CDH12: variants seen among roughly 807,000 people sequenced by gnomAD.
CDH12 encodes the protein cadherin-12.
A neutral mutation model predicts 74.1 loss-of-function variants in CDH12; 41 were observed. That is an observed-to-expected ratio of 0.55 (90% confidence interval 0.43 to 0.72). CDH12 has a LOEUF of 0.72. CDH12 is among the 30% of genes least tolerant of loss of function. The probability of loss-of-function intolerance (pLI) is 0.00; values close to 1 mark genes in which losing one functional copy is unlikely to be tolerated. For synonymous variants in CDH12, 399 were observed against 355.0 expected, an observed-to-expected ratio of 1.12 and a Z score of -1.39; for missense variants, 945 against 977.2, an observed-to-expected ratio of 0.97 and a Z score of 0.44.
Position 22,233,876 on chromosome 5 carries a change from T to C in CDH12, c.-332-21233A>G, listed in dbSNP as rs376609889. 1.1e-4 allele frequency among the ~76,000 whole-genome samples: 17 copies of C among 152,302 alleles called. No individual in the cohort carries two copies. The East Asian group carries it at 3.1e-3, about 28-fold the overall frequency. ...TAGTCACAGTTTGCCCACCTTGACG[T>C]GCCACCCAAGTGACAGGATTCCACT... is the stretch of plus-strand genomic sequence containing the variant. On this transcript the variant is annotated intron_variant, in intron 3 of 14. Coordinates refer to ENST00000382254, the MANE Select transcript of CDH12 (RefSeq NM_004061.5).
At chr5:21,893,979 T>C (rs1422289378) in intron 6 of CDH12, among the ~76,000 whole-genome samples, 2 of 152,174 alleles carry the variant, frequency 1.3e-5, no homozygotes, top group Non-Finnish European at 2.9e-5. Context: ...CCATTTACAG[T>C]ATTTAACGCC....
chr5:21,877,053 A>G (rs370494773), intron 6 of CDH12, among the ~76,000 whole-genome samples: 45 of 152,306 alleles, frequency 3.0e-4, no homozygotes, highest in African/African-American at 1.1e-3. Flanking sequence ...AAATACAAAA[A>G]TTAGTCAGGC....
intron 8 of CDH12, among the ~76,000 whole-genome samples, chr5:21,840,494 G>T (rs1244590043): frequency 6.6e-6 from 1 of 151,198 alleles, no homozygotes. Flanking sequence ...TCACAGAATT[G>T]GAAAAAACTA....
At chr5:22,196,333 T>A (rs547788011) in intron 4 of CDH12, among the ~76,000 whole-genome samples, 2 of 151,864 alleles carry the variant, frequency 1.3e-5, no homozygotes, top group Non-Finnish European at 1.5e-5. Flanking sequence ...TTAGTGGAGA[T>A]GGGGTTTCAC....
At chr5:22,552,447 T>A (rs984075963) in intron 1 of CDH12, among the ~76,000 whole-genome samples, 1 of 151,352 alleles carries the variant, frequency 6.6e-6, no homozygotes, top group Non-Finnish European at 1.5e-5. Context: ...TTTTTTTTTT[T>A]AGACAGATTT....
chr5:22,130,448 T>C (rs1281417270), intron 4 of CDH12, among the ~76,000 whole-genome samples: 1 of 152,084 alleles, frequency 6.6e-6, no homozygotes, highest in Non-Finnish European at 1.5e-5. Flanking sequence ...TTTTAAAAAA[T>C]TTGCACAGAA....
At chr5:22,286,634 C>A (rs1165723149) in intron 3 of CDH12, among the ~76,000 whole-genome samples, 1 of 151,290 alleles carries the variant, frequency 6.6e-6, no homozygotes, top group East Asian at 1.9e-4. Context: ...AGTTTATCTG[C>A]ACAGCATTTT....
intron 1 of CDH12, among the ~76,000 whole-genome samples, chr5:22,625,729 T>C (rs1561536875): frequency 6.6e-6 from 1 of 152,146 alleles, no homozygotes; most frequent in Admixed American, 6.5e-5. Flanking sequence ...GCAGGGCATA[T>C]TTGAATGCCC....
At chr5:22,443,848 T>C (rs1447389736) in intron 2 of CDH12, among the ~76,000 whole-genome samples, 1 of 152,128 alleles carries the variant, frequency 6.6e-6, no homozygotes, top group East Asian at 1.9e-4. Context: ...ACATATATTG[T>C]ATGCACACAC....
intron 3 of CDH12, among the ~76,000 whole-genome samples, chr5:22,345,404 T>C (rs1740068172): frequency 6.6e-6 from 1 of 152,188 alleles, no homozygotes; most frequent in South Asian, 2.1e-4. Context: ...TTAAACTGTA[T>C]GCATTGTTCT....
chr5:22,577,272 C>T (rs545075610), intron 1 of CDH12, among the ~76,000 whole-genome samples: 1 of 152,188 alleles, frequency 6.6e-6, no homozygotes, highest in South Asian at 2.1e-4. Flanking sequence ...GCCCCAGATG[C>T]GTTCACTAAG....
chr5:22,848,587 GAT>G (rs756275114), intron 1 of CDH12, among the ~76,000 whole-genome samples: 9 of 152,210 alleles, frequency 5.9e-5, no homozygotes, highest in Admixed American at 1.3e-4. Flanking sequence ...TTGGATCTCA[GAT>G]CTTCTGTCTG....
At chr5:22,847,054 A>T (rs1737338998) in intron 1 of CDH12, among the ~76,000 whole-genome samples, 1 of 152,152 alleles carries the variant, frequency 6.6e-6, no homozygotes, top group South Asian at 2.1e-4. Context: ...ATTCTCAACA[A>T]CAGTTGTTAT....
At chr5:22,272,186 T>C (rs1008614246) in intron 3 of CDH12, among the ~76,000 whole-genome samples, 3 of 152,244 alleles carry the variant, frequency 2.0e-5, no homozygotes, top group Non-Finnish European at 4.4e-5. Flanking sequence ...AGCTTTGATA[T>C]CAGCACTTGC....
At chr5:22,579,466 G>C (rs2126780228) in intron 1 of CDH12, among the ~76,000 whole-genome samples, 1 of 152,082 alleles carries the variant, frequency 6.6e-6, no homozygotes. Flanking sequence ...TGATGAATTG[G>C]AAACAAAATT....
intron 1 of CDH12, among the ~76,000 whole-genome samples, chr5:22,642,318 T>C (rs551767440): frequency 3.3e-4 from 50 of 152,310 alleles, no homozygotes; most frequent in African/African-American, 1.2e-3. Context: ...AATTTGCTCA[T>C]TGGCATAAGG....
chr5:22,642,303 A>G (rs1393156055), intron 1 of CDH12, among the ~76,000 whole-genome samples: 1 of 152,220 alleles, frequency 6.6e-6, no homozygotes, highest in Non-Finnish European at 1.5e-5. Context: ...CTACTAGAAT[A>G]ACACAATTTG....
At chr5:22,535,922 C>T (rs904283946) in intron 1 of CDH12, among the ~76,000 whole-genome samples, 1 of 152,110 alleles carries the variant, frequency 6.6e-6, no homozygotes, top group African/African-American at 2.4e-5. Context: ...CACATACAGA[C>T]TTTTTTCTTG....
At chr5:22,528,611 G>C (rs1184929144) in intron 1 of CDH12, among the ~76,000 whole-genome samples, 1 of 152,134 alleles carries the variant, frequency 6.6e-6, no homozygotes, top group African/African-American at 2.4e-5. Flanking sequence ...TGGTGCTTAA[G>C]CTGGAAATTT....
Sources: gnomAD v4.1 joint callset for allele counts (sites outside exome capture counted in the v4.1 genomes callset) on GRCh38, gnomAD v4.1.1 for gene constraint, MANE v1.5 for transcripts, NCBI Gene and HGNC (gene_info 2026-07-23, HGNC 2026-07-21) for gene names.